CYB5RL: variants seen among roughly 807,000 people sequenced by gnomAD.
CYB5RL encodes the protein cytochrome b5 reductase like, also known as NADH-cytochrome b5 reductase-like.
A neutral mutation model predicts 37.5 loss-of-function variants in CYB5RL; 38 were observed. The ratio of observed to expected loss-of-function variants is 1.01; its 90% CI spans 0.78 to 1.33. The LOEUF (loss-of-function observed/expected upper bound fraction) is 1.33, where lower values mean the gene tolerates loss of function less well. Among genes scored for constraint, CYB5RL ranks in the 40% most tolerant of loss-of-function variants. The probability of loss-of-function intolerance (pLI) is 0.00; values close to 1 mark genes in which losing one functional copy is unlikely to be tolerated. For missense variants in CYB5RL, 388 were observed against 394.4 expected (o/e 0.98, Z 0.14); for synonymous variants, 141 against 151.9 (o/e 0.93, Z 0.53).
chr1:54,180,607 GAA>G (rs71579998), intron 6 of CYB5RL, among the ~76,000 whole-genome samples: 2 of 116,386 alleles, frequency 1.7e-5, no homozygotes, highest in Middle Eastern at 4.8e-3. Context: ...CCGTCTCAAA[GAA>G]AAAAAAAAAA....
In CYB5RL at chr1:54,195,549, G is replaced by C. The variant is rs1340455234; in HGVS notation, c.68C>G (p.Pro23Arg). 3 of 1,613,706 alleles carry C rather than the reference G, an allele frequency of 1.9e-6. No individual in the cohort carries two copies. The highest frequency in any genetic ancestry group is 2.5e-6 in the Non-Finnish European group (3 of 1,179,774). ...ACTGCCGCAGCACTGGGAAGGCAAGGGTTCTGTGGGCCGTAGCTGCATCCA... is the reference window on the plus strand; with the variant it reads ...ACTGCCGCAGCACTGGGAAGGCAAGCGTTCTGTGGGCCGTAGCTGCATCCA... The part of the protein sequence containing the change: ...EAWMQLRPTE[P>R]LPSQCCGSGC... The change falls in exon 3 of 8, where the codon CCC becomes CGC. Residue 23 changes from proline to arginine, a missense_variant. Pro to Arg is a moderately radical substitution (Grantham distance 103). Coordinates refer to ENST00000534324, the MANE Select transcript of CYB5RL (RefSeq NM_001031672.4).
intron 6 of CYB5RL, 145 bp from the exon 7 acceptor site, chr1:54,179,497 C>A (rs1035702826): frequency 2.6e-6 from 2 of 776,906 alleles, no homozygotes; most frequent in Non-Finnish European, 4.1e-6. Flanking sequence ...CCCTCTCTAC[C>A]TCCTCCAGAA....
intron 5 of CYB5RL, chr1:54,185,064 C>T (rs1660255791): frequency 6.6e-6 from 1 of 152,356 alleles, no homozygotes; most frequent in East Asian, 1.9e-4. Flanking sequence ...GTGCCTGAAC[C>T]ATGGAAGTAA....
In CYB5RL at chr1:54,174,862, G is replaced by A. The variant is rs186571805; in HGVS notation, c.745-40C>T. On this transcript the variant is annotated intron_variant, in intron 7 of 7. Coordinates refer to ENST00000534324, the MANE Select transcript of CYB5RL (RefSeq NM_001031672.4). ...AAGGCATGGGTGACTACAAGGGAGC[G>A]GGGGGTCCTTAGTGTTCACACAGCC... 3.8e-5 allele frequency: 59 copies of A among 1,570,106 alleles called. No homozygotes were observed. In the Middle Eastern group the frequency reaches 5.2e-4, roughly 14 times the overall value.
intron 5 of CYB5RL, chr1:54,184,469 G>C (rs1660241839): frequency 5.7e-6 from 3 of 529,470 alleles, no homozygotes; most frequent in Non-Finnish European, 1.0e-5. Flanking sequence ...AAGGCAGACA[G>C]GAGGCTGGGA....
intron 3 of CYB5RL, among the ~76,000 whole-genome samples, chr1:54,191,415 T>C (rs577913387): frequency 2.0e-5 from 3 of 152,340 alleles, no homozygotes; most frequent in African/African-American, 7.2e-5. Flanking sequence ...CCAATATCTG[T>C]GTATTACATA....
At chr1:54,180,504 T>C (rs751884428) in intron 6 of CYB5RL, among the ~76,000 whole-genome samples, 1 of 151,336 alleles carries the variant, frequency 6.6e-6, no homozygotes, top group Non-Finnish European at 1.5e-5. Flanking sequence ...TTCAGGAGGC[T>C]GAGGCAGGAG....
At chr1:54,190,581 A>T in intron 4 of CYB5RL, 167 bp downstream of exon 4, 1 of 772,312 alleles carries the variant, frequency 1.3e-6, no homozygotes, top group Non-Finnish European at 2.1e-6. Context: ...ATGAAAATGC[A>T]TTATCTAGTT....
Position 54,171,444 on chromosome 1 carries a change from C to CA in CYB5RL, c.*3174dup, listed in dbSNP as rs1659889923. The CA allele has an allele frequency of 2.2e-6, 1 of 456,056 alleles. No individual in the cohort carries two copies. The highest frequency in any genetic ancestry group is 7.0e-5 in the East Asian group (1 of 14,380). The allele number at this position is 456,056 out of a possible 1,614,324, so 28.3% of individuals were successfully genotyped here. A position where few individuals can be genotyped will look rare whatever the true frequency, so the allele number is the denominator to read the frequency against. ...TGGTCTGGTCTCAGCGTGGAGGTGG[C>CA]ATGGAGACTGGGAGCTGGGAGACCC... On this transcript the variant is annotated 3_prime_UTR_variant, in exon 8 of 8. Coordinates refer to ENST00000534324, the MANE Select transcript of CYB5RL (RefSeq NM_001031672.4).
chr1:54,195,323 G>A, intron 3 of CYB5RL, 96 bp downstream of exon 3: 1 of 1,346,158 alleles, frequency 7.4e-7, no homozygotes. Flanking sequence ...TTCTTCTGCT[G>A]TACAGTCAGG....
At position 54,179,252 on chromosome 1, in the gene CYB5RL, G is replaced by T; in HGVS notation, c.641C>A (p.Thr214Asn). 1 of 1,613,858 alleles carries T rather than the reference G, an allele frequency of 6.2e-7. No homozygotes were observed. Among genetic ancestry groups the T allele is most frequent in the Non-Finnish European group, 8.5e-7 (1 of 1,179,858 alleles). Residue 214 changes from threonine (T) to asparagine (N), a missense_variant, in exon 7 of 8, where the codon ACT becomes AAT. Thr to Asn is a moderately conservative substitution (Grantham distance 65). Coordinates refer to ENST00000534324, the MANE Select transcript of CYB5RL (RefSeq NM_001031672.4). ...TDNENDETFV[T>N]LVGCFKTFES... ...AAAGGTCTTGAAGCAACCGACCAGA[G>T]TGACAAAAGTCTCGTCATTCTCATT...
intron 3 of CYB5RL, among the ~76,000 whole-genome samples, chr1:54,195,102 C>T (rs1229066499): frequency 1.3e-5 from 2 of 152,204 alleles, no homozygotes; most frequent in East Asian, 3.9e-4. Context: ...CTCACTATTT[C>T]ACAGGGCCTG....
intron 3 of CYB5RL, 113 bp from the exon 4 acceptor site, chr1:54,191,009 C>A: frequency 7.2e-7 from 1 of 1,385,706 alleles, no homozygotes; most frequent in South Asian, 1.5e-5. Flanking sequence ...CGGGAAGTTT[C>A]CTGTAAACTG....
chr1:54,187,601 G>C, intron 5 of CYB5RL, 51 bp downstream of exon 5: 2 of 1,562,642 alleles, frequency 1.3e-6, no homozygotes, highest in Non-Finnish European at 1.8e-6. Flanking sequence ...TCCATTCTTA[G>C]ACCCATAGCT....
rs778566962 is a variant in CYB5RL, at chr1:54,176,232, C to T, written c.745-1410G>A. On this transcript the variant is annotated intron_variant, in intron 7 of 7. Transcript: ENST00000534324. ...GTGAGGAGAGGCCTCTATTCTGAGG[C>T]ACACTCAAAGGGCCCTGGAGGCAGG... Among the ~76,000 whole-genome samples the T allele has an allele frequency of 1.4e-4, 21 of 152,308 alleles. 1 individual carries two copies. The highest frequency in any genetic ancestry group is 6.8e-3 in the Middle Eastern group (2 of 294).
At position 54,195,432 on chromosome 1, in the gene CYB5RL, C is replaced by A; in HGVS notation, c.185G>T (p.Gly62Val). Residue 62 changes from glycine to valine, a missense_variant, in exon 3 of 8, where the codon GGG becomes GTG. Coordinates refer to ENST00000534324, the MANE Select transcript of CYB5RL (RefSeq NM_001031672.4). ...AGCCTCTCTCACCTGTGACTCTGGC[C>A]CACGCAGCAGGCTCCTGTCCTTGCT... Reference protein sequence around the residue: ...QASKDRSLLRGPESQSCPSKL... With the variant: ...QASKDRSLLRVPESQSCPSKL... 6.3e-7 allele frequency: 1 copy of A among 1,598,292 alleles called. No individual in the cohort carries two copies. The highest frequency in any genetic ancestry group is 8.6e-7 in the Non-Finnish European group (1 of 1,169,222).
intron 6 of CYB5RL, among the ~76,000 whole-genome samples, chr1:54,180,713 C>T (rs960259947): frequency 3.3e-5 from 5 of 152,154 alleles, no homozygotes; most frequent in Non-Finnish European, 7.4e-5. Flanking sequence ...GATTAGGCCT[C>T]TGGGTATAAA....
chr1:54,179,431 T>C lies in CYB5RL; in HGVS notation c.541-79A>G, dbSNP rs75151323. On this transcript the variant is annotated intron_variant, in intron 6 of 7. Coordinates refer to ENST00000534324, the MANE Select transcript of CYB5RL (RefSeq NM_001031672.4). ...TCCCCTCTACTATGGGACTTTTCCTTGAGCTTCCTTCAACTGGACGGCAGT... is the reference window on the plus strand; with the variant it reads ...TCCCCTCTACTATGGGACTTTTCCTCGAGCTTCCTTCAACTGGACGGCAGT... The C allele has an allele frequency of 3.3e-3, 4,803 of 1,444,068 alleles. 115 individuals carry two copies. The African/African-American group carries it at 0.057, about 17-fold the overall frequency. The allele number at this position is 1,444,068 out of a possible 1,614,324, so 89.5% of individuals were successfully genotyped here. A position where few individuals can be genotyped will look rare whatever the true frequency, so the allele number is the denominator to read the frequency against.
In CYB5RL at chr1:54,171,172, A is replaced by G; in HGVS notation, c.*3447T>C. 2.2e-6 allele frequency: 1 copy of G among 456,042 alleles called. No homozygotes were observed. The highest frequency in any genetic ancestry group is 4.4e-6 in the Non-Finnish European group (1 of 226,790). 28.2% of individuals were successfully genotyped at this position (456,042 alleles called of 1,614,324 possible). A position where few individuals can be genotyped will look rare whatever the true frequency, so the allele number is the denominator to read the frequency against. On this transcript the variant is annotated 3_prime_UTR_variant, in exon 8 of 8. Coordinates refer to ENST00000534324, the MANE Select transcript of CYB5RL (RefSeq NM_001031672.4). ...TGAGCTGAGACCTCAAAAGATGAGG[A>G]GGCAAAAAAGGTGAGTGGGAGATCG...
Sources: gnomAD v4.1 joint callset for allele counts (sites outside exome capture counted in the v4.1 genomes callset) on GRCh38, gnomAD v4.1.1 for gene constraint, MANE v1.5 for transcripts, NCBI Gene and HGNC (gene_info 2026-07-23, HGNC 2026-07-21) for gene names.